Variants in AKAP19 observed in about 807,000 individuals in gnomAD.
The protein encoded by AKAP19 is A-kinase anchoring protein 19.
chr2:190,151,085 T>C, the AKAP19 span, among the ~76,000 whole-genome samples: 2 of 152,352 alleles, frequency 1.3e-5, no homozygotes, highest in African/African-American at 4.8e-5. Context: ...ACTCAGTTTG[T>C]GCTATGAATT....
the AKAP19 span, among the ~76,000 whole-genome samples, chr2:190,169,282 C>T: frequency 3.3e-5 from 5 of 152,162 alleles, no homozygotes; most frequent in East Asian, 5.8e-4. Context: ...TACCTCCCAC[C>T]GAGTCCCTTC....
the AKAP19 span, among the ~76,000 whole-genome samples, chr2:190,045,088 C>T: frequency 6.6e-6 from 1 of 152,148 alleles, no homozygotes; most frequent in Admixed American, 6.5e-5. Flanking sequence ...GGTGGCCCTC[C>T]CCTCCCTCTA....
the AKAP19 span, among the ~76,000 whole-genome samples, chr2:190,080,937 C>G: frequency 1.4e-3 from 219 of 152,264 alleles, 1 homozygote; most frequent in East Asian, 9.5e-3. Context: ...AGCCTGGCTT[C>G]CCCCTGTGTT....
chr2:190,109,262 T>C, the AKAP19 span, among the ~76,000 whole-genome samples: 14 of 152,298 alleles, frequency 9.2e-5, no homozygotes, highest in African/African-American at 3.4e-4. Flanking sequence ...ATATCTAGGT[T>C]TCACCAGTCT....
At chr2:189,976,997 C>G in the AKAP19 span, among the ~76,000 whole-genome samples, 11 of 152,124 alleles carry the variant, frequency 7.2e-5, no homozygotes, top group African/African-American at 2.7e-4. Flanking sequence ...CACCCACTGT[C>G]CAACAAGCCC....
the AKAP19 span, among the ~76,000 whole-genome samples, chr2:190,124,216 A>G: frequency 2.0e-5 from 3 of 152,190 alleles, no homozygotes; most frequent in African/African-American, 7.2e-5. Flanking sequence ...TCTCATACCT[A>G]TGCAGTCGTG....
At chr2:190,195,529 A>G in the AKAP19 span, among the ~76,000 whole-genome samples, 1 of 152,168 alleles carries the variant, frequency 6.6e-6, no homozygotes, top group Non-Finnish European at 1.5e-5. Flanking sequence ...ACTTTTCCAT[A>G]CGTTTATGTG....
chr2:189,946,631 T>C, the AKAP19 span, among the ~76,000 whole-genome samples: 1 of 152,306 alleles, frequency 6.6e-6, no homozygotes, highest in African/African-American at 2.4e-5. Flanking sequence ...AGTCCCCAAA[T>C]TCTGAAATTA....
the AKAP19 span, among the ~76,000 whole-genome samples, chr2:189,937,125 A>G: frequency 6.6e-6 from 1 of 152,136 alleles, no homozygotes; most frequent in Non-Finnish European, 1.5e-5. Context: ...GCAGAGCAAG[A>G]CCCCCTGTCT....
chr2:190,082,714 T>C, the AKAP19 span, among the ~76,000 whole-genome samples: 1 of 152,220 alleles, frequency 6.6e-6, no homozygotes, highest in Non-Finnish European at 1.5e-5. Context: ...TTCTAACCAT[T>C]ATACAAATTA....
chr2:190,187,409 C>CTTTTTTTT, the AKAP19 span, among the ~76,000 whole-genome samples: 2 of 131,290 alleles, frequency 1.5e-5, no homozygotes, highest in African/African-American at 2.9e-5. Flanking sequence ...TTAGAAGTTA[C>CTTTTTTTT]TTTTTTTTTT....
the AKAP19 span, among the ~76,000 whole-genome samples, chr2:190,099,164 A>G: frequency 6.6e-6 from 1 of 152,198 alleles, no homozygotes; most frequent in Admixed American, 6.5e-5. Flanking sequence ...TTCTATTCAC[A>G]TCCTGGCTAA....
chr2:190,118,830 C>T, the AKAP19 span, among the ~76,000 whole-genome samples: 4 of 152,168 alleles, frequency 2.6e-5, no homozygotes, highest in Non-Finnish European at 5.9e-5. Flanking sequence ...CCCTTTCTCA[C>T]CATTCCTATT....
the AKAP19 span, among the ~76,000 whole-genome samples, chr2:189,907,014 C>G: frequency 6.6e-6 from 1 of 152,136 alleles, no homozygotes; most frequent in Non-Finnish European, 1.5e-5. Flanking sequence ...AAGAGTTGCC[C>G]TCATCTCTCA....
chr2:190,099,984 C>G, the AKAP19 span, among the ~76,000 whole-genome samples: 1 of 152,138 alleles, frequency 6.6e-6, no homozygotes, highest in South Asian at 2.1e-4. Flanking sequence ...ATCTTATGCC[C>G]AAACTGCTCA....
chr2:189,950,491 C>T, the AKAP19 span, among the ~76,000 whole-genome samples: 8 of 152,002 alleles, frequency 5.3e-5, no homozygotes, highest in Non-Finnish European at 1.0e-4. Flanking sequence ...CCAGGCTTAT[C>T]TTAGTCTTTA....
At chr2:189,988,264 A>T in the AKAP19 span, among the ~76,000 whole-genome samples, 1 of 152,212 alleles carries the variant, frequency 6.6e-6, no homozygotes, top group Admixed American at 6.5e-5. Context: ...AGGCTTAGAA[A>T]ACATGTCCAA....
chr2:189,960,781 A>G, the AKAP19 span, among the ~76,000 whole-genome samples: 14 of 152,260 alleles, frequency 9.2e-5, no homozygotes, highest in African/African-American at 3.4e-4. Flanking sequence ...TCAGGGGAGT[A>G]AGGTCCCTGA....
chr2:189,977,446 C>CCTGG, the AKAP19 span, among the ~76,000 whole-genome samples: 1 of 152,180 alleles, frequency 6.6e-6, no homozygotes, highest in African/African-American at 2.4e-5. Context: ...TGGCTCCAGG[C>CCTGG]ATCCAGTAGG....
Sources: allele counts gnomAD v4.1 joint callset (sites outside exome capture counted in the v4.1 genomes callset), GRCh38; gene constraint gnomAD v4.1.1; transcripts MANE v1.5; gene names NCBI Gene and HGNC (gene_info 2026-07-23, HGNC 2026-07-21).